Variants in CPE observed in about 807,000 individuals in gnomAD.
CPE encodes the protein carbocypeptidase E.
Under a neutral mutation model 53.5 loss-of-function variants are expected in CPE, and 17 were observed. The ratio of observed to expected loss-of-function variants is 0.32; its 90% CI spans 0.22 to 0.48. CPE has a LOEUF of 0.48. Among genes scored for constraint, CPE ranks in the 20% least tolerant of loss-of-function variants. The pLI is 0.99. For synonymous variants in CPE, 226 were observed against 228.8 expected (o/e 0.99, Z 0.11); for missense variants, 524 against 614.7 (o/e 0.85, Z 1.56).
intron 3 of CPE, among the ~76,000 whole-genome samples, chr4:165,478,786 C>G (rs1732348999): frequency 6.6e-6 from 1 of 152,206 alleles, no homozygotes; most frequent in Non-Finnish European, 1.5e-5. Flanking sequence ...GCTTTGCCTC[C>G]TAACTCCCAC....
intron 1 of CPE, among the ~76,000 whole-genome samples, chr4:165,422,522 G>C (rs1731242596): frequency 6.6e-6 from 1 of 152,114 alleles, no homozygotes; most frequent in Non-Finnish European, 1.5e-5. Context: ...CAGAGTATCT[G>C]AGATAAGTCT....
chr4:165,484,736 G>A (rs1166078401), intron 5 of CPE, 132 bp downstream of exon 5: 30 of 868,926 alleles, frequency 3.5e-5, no homozygotes, highest in Non-Finnish European at 4.9e-5. Flanking sequence ...TGAATCTATA[G>A]TTCTTCCATT....
chr4:165,424,544 A>ATT (rs147473300), intron 1 of CPE, among the ~76,000 whole-genome samples: 44,518 of 151,110 alleles, frequency 0.29, 6,584 homozygotes, highest in Middle Eastern at 0.38. Context: ...GTATTTATTT[A>ATT]TTTTTTTGAG....
At chr4:165,405,611 T>C (rs1730940698) in intron 1 of CPE, 1 of 789,348 alleles carries the variant, frequency 1.3e-6, no homozygotes, top group African/African-American at 1.7e-5. Flanking sequence ...GATCTTCTTA[T>C]CAGCTAGTCC....
At chr4:165,493,031 T>G (rs1231619416) in intron 6 of CPE, 140 bp from the exon 7 acceptor site, 4 of 552,952 alleles carry the variant, frequency 7.2e-6, no homozygotes, top group African/African-American at 3.9e-5. Context: ...TGGCCTTTTG[T>G]GCATGTCTTG....
At chr4:165,463,362 T>G (rs1318265790) in intron 1 of CPE, among the ~76,000 whole-genome samples, 1 of 152,198 alleles carries the variant, frequency 6.6e-6, no homozygotes, top group African/African-American at 2.4e-5. Context: ...TGTCAGGCAC[T>G]GTTCTAAGCA....
chr4:165,405,114 G>C (rs1730931551), intron 1 of CPE: 2 of 749,268 alleles, frequency 2.7e-6, no homozygotes, highest in Admixed American at 1.9e-5. Context: ...AATGACGTTA[G>C]AGCTTTCTTC....
Position 165,464,556 on chromosome 4 carries a change from C to T in CPE, c.474C>T (p.Asn158=). The change falls in exon 2 of 9, where the codon AAC becomes AAT. Residue 158 remains asparagine (N), a synonymous_variant. Coordinates refer to ENST00000402744, the MANE Select transcript of CPE (RefSeq NM_001873.4). ...STRIHIMPSL[N]PDGFEKAASQ... ...GCATTCACATCATGCCTTCCCTGAA[C>T]CCAGATGGCTTTGAGAAGGCAGCGT... 1 of 1,612,502 alleles carries T rather than the reference C, an allele frequency of 6.2e-7. No homozygotes were observed. Among genetic ancestry groups the T allele is most frequent in the African/African-American group, 1.3e-5 (1 of 74,984 alleles).
chr4:165,459,100 A>G (rs7669187), intron 1 of CPE, among the ~76,000 whole-genome samples: 21,664 of 152,094 alleles, frequency 0.14, 1,941 homozygotes, highest in African/African-American at 0.26. Context: ...AAAGAGTAAC[A>G]TTTTATTTTT....
intron 1 of CPE, among the ~76,000 whole-genome samples, chr4:165,389,668 G>A (rs947782095): frequency 2.6e-5 from 4 of 152,248 alleles, no homozygotes; most frequent in African/African-American, 9.6e-5. Flanking sequence ...AGGTTGAGGT[G>A]ACTTAACGGC....
intron 1 of CPE, among the ~76,000 whole-genome samples, chr4:165,424,486 G>A (rs1270370612): frequency 6.6e-6 from 1 of 151,472 alleles, no homozygotes; most frequent in Admixed American, 6.6e-5. Context: ...TTTCTATTCT[G>A]TATTTTGCAA....
chr4:165,401,152 C>A (rs533982845), intron 1 of CPE, among the ~76,000 whole-genome samples: 45 of 152,184 alleles, frequency 3.0e-4, no homozygotes, highest in African/African-American at 1.0e-3. Context: ...CTCCTGACAC[C>A]TTCTCAGTCT....
intron 1 of CPE, among the ~76,000 whole-genome samples, chr4:165,430,053 A>T (rs868200605): frequency 6.6e-6 from 1 of 152,334 alleles, no homozygotes; most frequent in Non-Finnish European, 1.5e-5. Flanking sequence ...TCAAAAAATA[A>T]AAATAAAAAT....
At chr4:165,420,254 T>C (rs1029757757) in intron 1 of CPE, among the ~76,000 whole-genome samples, 17 of 152,176 alleles carry the variant, frequency 1.1e-4, no homozygotes, top group African/African-American at 4.1e-4. Flanking sequence ...CACCAAAGTA[T>C]AAATCTGAGA....
intron 1 of CPE, among the ~76,000 whole-genome samples, chr4:165,382,684 T>A (rs978230214): frequency 6.6e-6 from 1 of 152,134 alleles, no homozygotes; most frequent in African/African-American, 2.4e-5. Context: ...AAGCTAGAGG[T>A]TTACTTTGTT....
At chr4:165,397,910 G>C (rs1048202417) in intron 1 of CPE, among the ~76,000 whole-genome samples, 1 of 151,504 alleles carries the variant, frequency 6.6e-6, no homozygotes, top group African/African-American at 2.4e-5. Flanking sequence ...AAATTAGCCA[G>C]GCATTGTGGT....
intron 3 of CPE, among the ~76,000 whole-genome samples, chr4:165,477,848 G>A (rs987983286): frequency 6.6e-6 from 1 of 152,164 alleles, no homozygotes; most frequent in African/African-American, 2.4e-5. Flanking sequence ...GATGCTGGAG[G>A]TAGCTGAGAC....
In CPE at chr4:165,480,259, A is replaced by G. The variant is rs181901574; in HGVS notation, c.673-1983A>G. Among the ~76,000 whole-genome samples the G allele has an allele frequency of 5.8e-3, 885 of 152,264 alleles. 7 individuals carry two copies. The highest frequency in any genetic ancestry group is 0.02 in the African/African-American group (849 of 41,540). ...TGGTTATATTTCTGTACCTTACAGG[A>G]ATGCAGTTTGGAATACATTTTTAAA... On this transcript the variant is annotated intron_variant, in intron 3 of 8. Coordinates refer to ENST00000402744, the MANE Select transcript of CPE (RefSeq NM_001873.4).
Position 165,387,726 on chromosome 4 carries a change from T to C in CPE, c.307+8198T>C, listed in dbSNP as rs182147499. 7.7e-3 allele frequency among the ~76,000 whole-genome samples: 1,167 copies of C among 152,246 alleles called. 19 individuals carry two copies. Among genetic ancestry groups the C allele is most frequent in the African/African-American group, 0.026 (1,097 of 41,568 alleles). ...CAGGAGGCTGAGGCAGGAGAATCGC[T>C]TGAACCTGGGAGGCGGAGGTTGTGG... On this transcript the variant is annotated intron_variant, in intron 1 of 8. Coordinates refer to ENST00000402744, the MANE Select transcript of CPE (RefSeq NM_001873.4).
Sources: allele counts gnomAD v4.1 joint callset (sites outside exome capture counted in the v4.1 genomes callset), GRCh38; gene constraint gnomAD v4.1.1; transcripts MANE v1.5; gene names NCBI Gene and HGNC (gene_info 2026-07-23, HGNC 2026-07-21).